The following MICU1 variants were observed in gnomAD, a reference collection of about 807,000 sequenced individuals.
MICU1 encodes the protein mitochondrial calcium uptake 1.
MICU1 carries 45 observed loss-of-function variants against 56.8 expected under a neutral mutation model. That is an observed-to-expected ratio of 0.79 (90% CI 0.62 to 1.02). The LOEUF is 1.02. Ranked by LOEUF, MICU1 falls within the 50% of genes least tolerant of loss-of-function variation. The pLI is 0.00. For synonymous variants in MICU1, 186 were observed against 195.1 expected, an observed-to-expected ratio of 0.95 and a Z score of 0.39; for missense variants, 504 against 587.1, an observed-to-expected ratio of 0.86 and a Z score of 1.46.
intron 5 of MICU1, chr10:72,533,164 T>C (rs773455241): frequency 3.1e-6 from 4 of 1,287,628 alleles, no homozygotes; most frequent in African/African-American, 3.0e-5. Context: ...GAATCTGGCC[T>C]GAAAGGAAAA....
At chr10:72,557,420 T>C (rs1366337424) in intron 3 of MICU1, among the ~76,000 whole-genome samples, 1 of 152,178 alleles carries the variant, frequency 6.6e-6, no homozygotes, top group East Asian at 1.9e-4. Flanking sequence ...TTACTCCCAT[T>C]CACTGGACAA....
At position 72,441,059 on chromosome 10, in the gene MICU1, CA is replaced by C. The variant is rs1278930691; in HGVS notation, c.934-17689del. ...GCAATCCCATTACTGGGTATATACC[CA>C]AAGGATTATAAATCATGCTACTATA... On this transcript the variant is annotated intron_variant, in intron 8 of 11. Coordinates refer to ENST00000361114, the MANE Select transcript of MICU1 (RefSeq NM_001195518.2). Among the ~76,000 whole-genome samples the C allele has an allele frequency of 1.2e-4, 19 of 152,162 alleles. No individual in the cohort carries two copies. The East Asian group carries it at 3.3e-3, about 26-fold the overall frequency.
Position 72,471,584 on chromosome 10 carries a change from G to GTT in MICU1, c.933+3514_933+3515dup, listed in dbSNP as rs11447842. On this transcript the variant is annotated intron_variant, in intron 8 of 11. Transcript: ENST00000361114. ...AAAAGTTTTTTTGTTTGTTTTTATT[G>GTT]TTTTTTTTAAATTTCTTTGTTTGTT... Among the ~76,000 whole-genome samples, 301 of 151,670 alleles carry GTT rather than the reference G, an allele frequency of 2.0e-3. 3 individuals carry two copies. The Middle Eastern group carries it at 0.024, about 12-fold the overall frequency.
chr10:72,621,781 T>C (rs1050551243), intron 1 of MICU1, among the ~76,000 whole-genome samples: 1 of 152,170 alleles, frequency 6.6e-6, no homozygotes, highest in Non-Finnish European at 1.5e-5. Flanking sequence ...ACAGTACAGA[T>C]ACACACACTG....
At chr10:72,588,761 C>T (rs1033193975) in intron 1 of MICU1, among the ~76,000 whole-genome samples, 3 of 152,276 alleles carry the variant, frequency 2.0e-5, no homozygotes, top group Admixed American at 6.5e-5. Flanking sequence ...CCACCTCTGG[C>T]TTTCACATGC....
At chr10:72,604,097 G>A (rs1841621087) in intron 1 of MICU1, among the ~76,000 whole-genome samples, 1 of 151,978 alleles carries the variant, frequency 6.6e-6, no homozygotes, top group Admixed American at 6.6e-5. Context: ...GCTAACGGAA[G>A]TCTCTTCCTA....
intron 1 of MICU1, among the ~76,000 whole-genome samples, chr10:72,593,317 CA>C (rs973417361): frequency 5.9e-5 from 9 of 152,052 alleles, no homozygotes; most frequent in South Asian, 2.1e-4. Flanking sequence ...AAACAAAAAG[CA>C]GCCAGGCGTG....
chr10:72,383,029 A>G (rs1185843558), intron 10 of MICU1, among the ~76,000 whole-genome samples: 1 of 152,164 alleles, frequency 6.6e-6, no homozygotes, highest in Admixed American at 6.6e-5. Context: ...GTGGTTTGGG[A>G]GGCCAAGAAT....
chr10:72,601,679 G>C (rs369439408), intron 1 of MICU1, among the ~76,000 whole-genome samples: 2 of 152,074 alleles, frequency 1.3e-5, no homozygotes, highest in African/African-American at 4.8e-5. Context: ...AAGGAAATGA[G>C]GAGCTGAAGA....
intron 10 of MICU1, among the ~76,000 whole-genome samples, chr10:72,403,947 G>A (rs751822413): frequency 1.3e-5 from 2 of 151,438 alleles, no homozygotes; most frequent in Non-Finnish European, 2.9e-5. Flanking sequence ...GAGCCACCAC[G>A]CCCGGCAGTG....
chr10:72,620,139 C>A (rs1460227522), intron 1 of MICU1, among the ~76,000 whole-genome samples: 1 of 151,980 alleles, frequency 6.6e-6, no homozygotes, highest in Non-Finnish European at 1.5e-5. Flanking sequence ...TAACAGACAC[C>A]AAATCCAAAT....
chr10:72,421,553 G>C (rs1464438283), intron 9 of MICU1, among the ~76,000 whole-genome samples: 2 of 152,162 alleles, frequency 1.3e-5, no homozygotes, highest in African/African-American at 4.8e-5. Flanking sequence ...AGGATTACAG[G>C]CGTGAGCCAC....
chr10:72,367,608 C>G lies in MICU1; in HGVS notation c.*587G>C, dbSNP rs1046265212. The G allele has an allele frequency of 6.5e-6, 1 of 152,750 alleles. No homozygotes were observed. The highest frequency in any genetic ancestry group is 1.5e-5 in the Non-Finnish European group (1 of 68,434). 9.5% of individuals were successfully genotyped at this position (152,750 alleles called of 1,614,324 possible). On this transcript the variant is annotated 3_prime_UTR_variant, in exon 12 of 12. Transcript: ENST00000361114. ...TTAAATTCTGAATCTTGCTGTGTTC[C>G]CACTGAGCATGCTGCCTTCCTAGAG...
intron 10 of MICU1, among the ~76,000 whole-genome samples, chr10:72,389,104 A>T (rs959828715): frequency 6.6e-6 from 1 of 152,248 alleles, no homozygotes; most frequent in Non-Finnish European, 1.5e-5. Flanking sequence ...ATGGCCTCAC[A>T]GTCCTGGACA....
intron 11 of MICU1, among the ~76,000 whole-genome samples, chr10:72,375,378 T>C (rs1447109770): frequency 6.6e-6 from 1 of 151,976 alleles, no homozygotes; most frequent in Non-Finnish European, 1.5e-5. Flanking sequence ...TGGAATGCTA[T>C]GGAGATGGAA....
chr10:72,454,919 GAATACCTA>G (rs944697082), intron 8 of MICU1, among the ~76,000 whole-genome samples: 1 of 152,142 alleles, frequency 6.6e-6, no homozygotes, highest in African/African-American at 2.4e-5. Flanking sequence ...GCTGATAAGG[GAATACCTA>G]ATAGATCTCA....
intron 1 of MICU1, among the ~76,000 whole-genome samples, chr10:72,600,870 C>T (rs1028061402): frequency 1.4e-4 from 21 of 152,082 alleles, no homozygotes; most frequent in African/African-American, 5.1e-4. Flanking sequence ...TAGAACATAT[C>T]CCCCCGTAGA....
At chr10:72,585,181 G>A (rs114272582) in intron 1 of MICU1, among the ~76,000 whole-genome samples, 3,147 of 150,134 alleles carry the variant, frequency 0.021, 110 homozygotes, top group African/African-American at 0.074. Context: ...TCCACCTCCC[G>A]GTTCAAGCGA....
At chr10:72,431,753 T>G (rs889307248) in intron 8 of MICU1, among the ~76,000 whole-genome samples, 1 of 152,202 alleles carries the variant, frequency 6.6e-6, no homozygotes, top group Admixed American at 6.5e-5. Context: ...ATGGTAGAGA[T>G]AAACTATTTA....
Sources: allele counts gnomAD v4.1 joint callset (sites outside exome capture counted in the v4.1 genomes callset), GRCh38; gene constraint gnomAD v4.1.1; transcripts MANE v1.5; gene names NCBI Gene and HGNC (gene_info 2026-07-23, HGNC 2026-07-21).